FOXP1: variants seen among roughly 807,000 people sequenced by gnomAD.
The protein encoded by FOXP1 is forkhead box P1.
A neutral mutation model predicts 98.2 loss-of-function variants in FOXP1; 15 were observed. The ratio of observed to expected loss-of-function variants is 0.15; its 90% CI spans 0.10 to 0.24. The LOEUF (loss-of-function observed/expected upper bound fraction) is 0.24. FOXP1 is among the 10% of genes least tolerant of loss of function. The probability of loss-of-function intolerance (pLI) is 1.00; values close to 1 mark genes in which losing one functional copy is unlikely to be tolerated. For synonymous variants in FOXP1, 371 were observed against 314.5 expected (o/e 1.18, Z -1.90); for missense variants, 633 against 848.5 (o/e 0.75, Z 3.15).
intron 6 of FOXP1, among the ~76,000 whole-genome samples, chr3:71,124,569 C>T (rs866323643): frequency 4.5e-4 from 68 of 150,098 alleles, no homozygotes; most frequent in African/African-American, 1.6e-3. Flanking sequence ...TATAATACAG[C>T]ATGATGTATG....
intron 3 of FOXP1, among the ~76,000 whole-genome samples, chr3:71,399,576 C>G (rs2108200443): frequency 6.6e-6 from 1 of 152,298 alleles, no homozygotes; most frequent in Middle Eastern, 3.4e-3. Context: ...AACATTCACC[C>G]AGACGGAAGC....
chr3:71,114,351 G>A (rs984393143), intron 6 of FOXP1, among the ~76,000 whole-genome samples: 1 of 152,202 alleles, frequency 6.6e-6, no homozygotes, highest in Non-Finnish European at 1.5e-5. Context: ...GTGGTCTAGA[G>A]GATTAATGTT....
intron 2 of FOXP1, among the ~76,000 whole-genome samples, chr3:71,528,413 T>G (rs1174516034): frequency 6.6e-6 from 1 of 152,210 alleles, no homozygotes; most frequent in East Asian, 1.9e-4. Flanking sequence ...CTAAACAGAA[T>G]TATCAAGAGA....
chr3:71,037,784 C>T (rs1331247526), intron 11 of FOXP1, among the ~76,000 whole-genome samples: 1 of 152,164 alleles, frequency 6.6e-6, no homozygotes, highest in African/African-American at 2.4e-5. Flanking sequence ...AGGATCTTAA[C>T]AAGCCTTGAT....
At chr3:71,429,958 C>A (rs1433314588) in intron 3 of FOXP1, among the ~76,000 whole-genome samples, 1 of 152,168 alleles carries the variant, frequency 6.6e-6, no homozygotes, top group Non-Finnish European at 1.5e-5. Flanking sequence ...AATTCAAAAT[C>A]TTTCCAAGCT....
At chr3:71,210,539 C>A (rs2064376041) in intron 5 of FOXP1, among the ~76,000 whole-genome samples, 1 of 152,160 alleles carries the variant, frequency 6.6e-6, no homozygotes, top group African/African-American at 2.4e-5. Flanking sequence ...CCCTTAAAAG[C>A]CCTCTAGGGC....
At chr3:71,503,150 A>G (rs914977988) in intron 2 of FOXP1, among the ~76,000 whole-genome samples, 16 of 152,186 alleles carry the variant, frequency 1.1e-4, no homozygotes, top group African/African-American at 3.6e-4. Context: ...GTTTACATAG[A>G]GGCATCAGAA....
intron 6 of FOXP1, among the ~76,000 whole-genome samples, chr3:71,185,602 A>G (rs1355267277): frequency 2.0e-5 from 3 of 152,232 alleles, no homozygotes; most frequent in African/African-American, 7.2e-5. Flanking sequence ...AGATAGTCCC[A>G]GGCCATTTCC....
intron 18 of FOXP1, 128 bp downstream of exon 18, chr3:70,972,427 G>C: frequency 7.4e-6 from 10 of 1,349,652 alleles, no homozygotes; most frequent in Non-Finnish European, 1.1e-5. Context: ...ATGCTTTTTT[G>C]CTTCCCTTAA....
At chr3:71,571,275 T>C (rs1273287982) in intron 2 of FOXP1, 1 of 152,170 alleles carries the variant, frequency 6.6e-6, no homozygotes, top group Non-Finnish European at 1.5e-5. Context: ...ATGATCTTAT[T>C]TGATATGAAA....
rs118111790 is a variant in FOXP1, at chr3:71,370,798, G to T, written c.-167-11554C>A. Among the ~76,000 whole-genome samples the T allele has an allele frequency of 4.5e-3, 573 of 128,370 alleles. 5 individuals carry two copies. The highest frequency in any genetic ancestry group is 0.023 in the Middle Eastern group (6 of 256). The allele number at this position is 128,370 out of a possible 152,430, so 84.2% of individuals were successfully genotyped here. A position where few individuals can be genotyped will look rare whatever the true frequency, so the allele number is the denominator to read the frequency against. ...TCCCAACCCTAGAGTTTTTTTTGTTGTTTTTTTTTTTTTTTTTTACTGAGA... is the reference window on the plus strand; with the variant it reads ...TCCCAACCCTAGAGTTTTTTTTGTTTTTTTTTTTTTTTTTTTTTACTGAGA... On this transcript the variant is annotated intron_variant, in intron 3 of 20. Coordinates refer to ENST00000649528, the MANE Select transcript of FOXP1 (RefSeq NM_001349338.3).
intron 2 of FOXP1, among the ~76,000 whole-genome samples, chr3:71,531,348 A>G (rs2107535863): frequency 6.6e-6 from 1 of 152,328 alleles, no homozygotes; most frequent in South Asian, 2.1e-4. Context: ...CACAGCAAGA[A>G]GCCACTCAGC....
At chr3:71,365,835 T>C (rs1412922759) in intron 3 of FOXP1, among the ~76,000 whole-genome samples, 1 of 152,116 alleles carries the variant, frequency 6.6e-6, no homozygotes, top group Non-Finnish European at 1.5e-5. Flanking sequence ...ATACAAAAAT[T>C]AGCTGAGCGT....
chr3:71,518,352 C>T (rs567244905), intron 2 of FOXP1, among the ~76,000 whole-genome samples: 6 of 152,088 alleles, frequency 3.9e-5, no homozygotes, highest in Non-Finnish European at 8.8e-5. Context: ...CAAAAACCTC[C>T]CCATGCTTAT....
At chr3:70,960,459 A>T (rs1194030287) in intron 20 of FOXP1, among the ~76,000 whole-genome samples, 1 of 152,226 alleles carries the variant, frequency 6.6e-6, no homozygotes, top group Non-Finnish European at 1.5e-5. Context: ...CCGCTCGGAT[A>T]ACTATTGAGA....
chr3:71,554,086 AC>A (rs1208244138), intron 2 of FOXP1, among the ~76,000 whole-genome samples: 2 of 152,182 alleles, frequency 1.3e-5, no homozygotes, highest in African/African-American at 4.8e-5. Context: ...AGCGGCTCAC[AC>A]CTATAATCCC....
At chr3:71,038,209 AAAC>A (rs1208183027) in intron 11 of FOXP1, among the ~76,000 whole-genome samples, 2 of 152,192 alleles carry the variant, frequency 1.3e-5, no homozygotes, top group South Asian at 2.1e-4. Flanking sequence ...ACTACTTTGA[AAAC>A]AACAGTAACT....
chr3:71,265,648 C>T (rs1390747610), intron 5 of FOXP1, among the ~76,000 whole-genome samples: 2 of 152,190 alleles, frequency 1.3e-5, no homozygotes, highest in African/African-American at 2.4e-5. Context: ...GGAAAATGTG[C>T]AGACTTAGGT....
At chr3:71,480,803 T>G (rs550198052) in intron 3 of FOXP1, among the ~76,000 whole-genome samples, 1 of 152,272 alleles carries the variant, frequency 6.6e-6, no homozygotes, top group Admixed American at 6.5e-5. Flanking sequence ...GCATGGTAGA[T>G]TTGAGTCCAG....
Sources: gnomAD v4.1 joint callset for allele counts (sites outside exome capture counted in the v4.1 genomes callset) on GRCh38, gnomAD v4.1.1 for gene constraint, MANE v1.5 for transcripts, NCBI Gene and HGNC (gene_info 2026-07-23, HGNC 2026-07-21) for gene names.